The following KHDRBS2 variants were observed in gnomAD, a reference collection of about 807,000 sequenced individuals.
The protein encoded by KHDRBS2 is KH domain-containing, RNA-binding, signal transduction-associated protein 2.
Under a neutral mutation model 44.3 loss-of-function variants are expected in KHDRBS2, and 26 were observed. The observed-to-expected ratio is 0.59, with a 90% confidence interval of 0.43 to 0.81. The LOEUF (loss-of-function observed/expected upper bound fraction) is 0.81, where lower values mean the gene tolerates loss of function less well. Among genes scored for constraint, KHDRBS2 ranks in the 40% least tolerant of loss-of-function variants. The pLI is 0.00. For synonymous variants in KHDRBS2, 194 were observed against 151.1 expected (o/e 1.28, Z -2.08); for missense variants, 476 against 433.1 (o/e 1.10, Z -0.88).
chr6:61,693,546 T>A (rs1192629869), intron 8 of KHDRBS2, among the ~76,000 whole-genome samples: 1 of 152,164 alleles, frequency 6.6e-6, no homozygotes, highest in Non-Finnish European at 1.5e-5. Context: ...GTTAGTAAAA[T>A]AGGTAAATAC....
At chr6:61,832,587 G>GA (rs111647431) in intron 6 of KHDRBS2, among the ~76,000 whole-genome samples, 3,394 of 145,548 alleles carry the variant, frequency 0.023, 111 homozygotes, top group African/African-American at 0.076. Flanking sequence ...AGGGACATGA[G>GA]AAAAAAAAAA....
At chr6:61,849,110 T>C (rs1795071501) in intron 6 of KHDRBS2, among the ~76,000 whole-genome samples, 1 of 152,102 alleles carries the variant, frequency 6.6e-6, no homozygotes, top group African/African-American at 2.4e-5. Context: ...GAGATGCTAA[T>C]ATTTCCTGCC....
intron 4 of KHDRBS2, among the ~76,000 whole-genome samples, chr6:61,968,886 A>G (rs1389534202): frequency 6.6e-6 from 1 of 152,052 alleles, no homozygotes; most frequent in Non-Finnish European, 1.5e-5. Context: ...GTTTTCAAAT[A>G]ACCCTCTTTG....
the KHDRBS2 span, among the ~76,000 whole-genome samples, chr6:61,560,998 G>A: frequency 1.1e-3 from 168 of 152,224 alleles, 4 homozygotes; most frequent in South Asian, 0.022. Flanking sequence ...TGGGTGCTGT[G>A]ATCTAAGTTT....
chr6:61,559,043 GTC>G, the KHDRBS2 span, among the ~76,000 whole-genome samples: 72 of 150,936 alleles, frequency 4.8e-4, 1 homozygote, highest in South Asian at 0.013. Flanking sequence ...TTATGATGGG[GTC>G]TCTCTCTCTC....
At chr6:61,816,538 C>T (rs1005815) in intron 6 of KHDRBS2, 242,125 of 393,716 alleles carry the variant, frequency 0.61, 76,155 homozygotes, top group African/African-American at 0.79. Context: ...AAAAGGAGCA[C>T]GACCCTGCTG....
intron 3 of KHDRBS2, among the ~76,000 whole-genome samples, chr6:62,007,250 T>G (rs1247744371): frequency 1.3e-5 from 2 of 152,128 alleles, no homozygotes; most frequent in Non-Finnish European, 2.9e-5. Flanking sequence ...CTGCTTAACC[T>G]TTATTACTTT....
At chr6:61,555,752 A>C in the KHDRBS2 span, among the ~76,000 whole-genome samples, 1 of 151,984 alleles carries the variant, frequency 6.6e-6, no homozygotes, top group African/African-American at 2.4e-5. Context: ...GGTTCAGTTG[A>C]CTGGCTTCAC....
intron 8 of KHDRBS2, among the ~76,000 whole-genome samples, chr6:61,694,927 A>C (rs760187997): frequency 6.6e-6 from 1 of 152,160 alleles, no homozygotes; most frequent in Non-Finnish European, 1.5e-5. Context: ...ATAACAGCAA[A>C]ATATTAGGTT....
intron 6 of KHDRBS2, among the ~76,000 whole-genome samples, chr6:61,789,591 G>A (rs541820209): frequency 6.6e-6 from 1 of 151,540 alleles, no homozygotes; most frequent in African/African-American, 2.4e-5. Context: ...GACCTTGTAA[G>A]GTATGCGTTT....
chr6:62,181,553 G>C (rs1007988773), intron 1 of KHDRBS2, among the ~76,000 whole-genome samples: 13 of 151,926 alleles, frequency 8.6e-5, no homozygotes, highest in African/African-American at 3.1e-4. Flanking sequence ...GCAAGGATGT[G>C]GATAAAAGGG....
chr6:62,031,262 C>T (rs753165724), intron 3 of KHDRBS2, among the ~76,000 whole-genome samples: 2 of 152,010 alleles, frequency 1.3e-5, no homozygotes, highest in South Asian at 4.2e-4. Flanking sequence ...TACTCAGACA[C>T]AATGTCAAGA....
At chr6:61,547,497 C>T in the KHDRBS2 span, among the ~76,000 whole-genome samples, 2 of 152,066 alleles carry the variant, frequency 1.3e-5, no homozygotes, top group African/African-American at 4.8e-5. Context: ...AATTTAATCA[C>T]TTTATATACT....
At chr6:61,684,069 T>C (rs1218013402) in intron 8 of KHDRBS2, among the ~76,000 whole-genome samples, 3 of 151,964 alleles carry the variant, frequency 2.0e-5, no homozygotes, top group Admixed American at 2.0e-4. Flanking sequence ...TCCATCTTTA[T>C]CTTTCCTAAT....
At chr6:61,629,423 A>G in the KHDRBS2 span, among the ~76,000 whole-genome samples, 4 of 152,332 alleles carry the variant, frequency 2.6e-5, no homozygotes, top group South Asian at 8.3e-4. Context: ...AAGACGAAAT[A>G]TTAGCATTCA....
intron 2 of KHDRBS2, among the ~76,000 whole-genome samples, chr6:62,066,020 G>A (rs12190185): frequency 6.6e-6 from 1 of 151,230 alleles, no homozygotes; most frequent in Non-Finnish European, 1.5e-5. Flanking sequence ...TTTTCATCCT[G>A]TGTGGAGAGT....
At chr6:61,691,311 T>C (rs991661371) in intron 8 of KHDRBS2, among the ~76,000 whole-genome samples, 1 of 152,092 alleles carries the variant, frequency 6.6e-6, no homozygotes, top group African/African-American at 2.4e-5. Context: ...GGCAACATGC[T>C]CTGCACTTAT....
intron 4 of KHDRBS2, among the ~76,000 whole-genome samples, chr6:61,918,694 C>A (rs115747161): frequency 2.0e-5 from 3 of 152,050 alleles, no homozygotes; most frequent in Middle Eastern, 3.4e-3. Context: ...TGTATGGGTG[C>A]TATTCTGAAT....
At chr6:61,839,649 T>C (rs775127119) in intron 6 of KHDRBS2, among the ~76,000 whole-genome samples, 16 of 151,980 alleles carry the variant, frequency 1.1e-4, no homozygotes, top group South Asian at 2.1e-4. Flanking sequence ...GGGGATAATA[T>C]CATCAGCAAA....
Sources: gnomAD v4.1 joint callset for allele counts (sites outside exome capture counted in the v4.1 genomes callset) on GRCh38, gnomAD v4.1.1 for gene constraint, MANE v1.5 for transcripts, NCBI Gene and HGNC (gene_info 2026-07-23, HGNC 2026-07-21) for gene names.